The following SPTA1 variants were observed in gnomAD, a reference collection of about 807,000 sequenced individuals.
SPTA1 encodes spectrin alpha, erythrocytic 1.
A neutral mutation model predicts 324.7 loss-of-function variants in SPTA1; 177 were observed. The ratio of observed to expected loss-of-function variants is 0.55; its 90% CI spans 0.48 to 0.62. The LOEUF (loss-of-function observed/expected upper bound fraction) is 0.62, where lower values mean the gene tolerates loss of function less well. Among genes scored for constraint, SPTA1 ranks in the 20% least tolerant of loss-of-function variants. The pLI, the probability that SPTA1 is intolerant of heterozygous loss-of-function variation, is 0.00. For synonymous variants in SPTA1, 1,195 were observed against 1,041.3 expected (o/e 1.15, Z -2.84); for missense variants, 3,162 against 2,883.6 (o/e 1.10, Z -2.21).
rs962724509 is a variant in SPTA1, at chr1:158,666,190, T to A, written c.2220+126A>T. The A allele has an allele frequency of 4.6e-4, 391 of 845,300 alleles. 4 individuals carry two copies. Among genetic ancestry groups the A allele is most frequent in the Non-Finnish European group, 8.0e-5 (42 of 524,210 alleles). The allele number at this position is 845,300 out of a possible 1,614,324, so 52.4% of individuals were successfully genotyped here. On this transcript the variant is annotated intron_variant, in intron 16 of 51. Coordinates refer to ENST00000643759, the MANE Select transcript of SPTA1 (RefSeq NM_003126.4). The stretch of plus-strand genomic sequence containing the variant: ...TAATAATCAGTGTGCTCAGAGCATA[T>A]ACACCCATTGCTTATTATTACTTAT...
chr1:158,671,092 C>CT (rs1187724339), intron 12 of SPTA1, among the ~76,000 whole-genome samples: 2 of 151,800 alleles, frequency 1.3e-5, no homozygotes, highest in Non-Finnish European at 2.9e-5. Flanking sequence ...GCTATTTTCA[C>CT]TTTTTTTCTA....
intron 23 of SPTA1, among the ~76,000 whole-genome samples, chr1:158,651,909 C>CTCTCTGTG (rs972758420): frequency 4.8e-5 from 7 of 145,020 alleles, no homozygotes; most frequent in African/African-American, 1.8e-4. Flanking sequence ...CTCTCTCTCT[C>CTCTCTGTG]TGTGTGTGTG....
intron 10 of SPTA1, 114 bp from the exon 11 acceptor site, chr1:158,672,310 T>TG: frequency 8.4e-7 from 1 of 1,188,038 alleles, no homozygotes; most frequent in Non-Finnish European, 1.2e-6. Flanking sequence ...AAACAGCAAA[T>TG]GGGCTTTTAA....
At chr1:158,671,312 G>T (rs75565504) in intron 12 of SPTA1, 31 bp downstream of exon 12, 1 of 1,529,592 alleles carries the variant, frequency 6.5e-7, no homozygotes, top group Non-Finnish European at 9.1e-7. Context: ...CAGAGAGGGA[G>T]CCAATGCCCA....
chr1:158,629,160 A>T (rs969726132), intron 39 of SPTA1, among the ~76,000 whole-genome samples: 1 of 147,028 alleles, frequency 6.8e-6, no homozygotes, highest in Non-Finnish European at 1.5e-5. Context: ...ATAGATAGAT[A>T]TGTCTATCAA....
At chr1:158,652,717 G>C (rs1571457613) in intron 22 of SPTA1, 64 bp from the exon 23 acceptor site, 1 of 1,567,854 alleles carries the variant, frequency 6.4e-7, no homozygotes, top group East Asian at 2.2e-5. Context: ...TAGAGGCTGA[G>C]TGACAAACAT....
At position 158,636,633 on chromosome 1, in the gene SPTA1, A is replaced by G. The variant is rs187225341; in HGVS notation, c.5310+8T>C. 2 of 1,614,016 alleles carry G rather than the reference A, an allele frequency of 1.2e-6. No homozygotes were observed. Among genetic ancestry groups the G allele is most frequent in the Non-Finnish European group, 1.7e-6 (2 of 1,179,946 alleles). On this transcript the variant is annotated splice_region_variant and intron_variant, in intron 37 of 51. Coordinates refer to ENST00000643759, the MANE Select transcript of SPTA1 (RefSeq NM_003126.4). ...TCTATATTTTCAGATCTGGTATTCT[A>G]TTCCTACCTGGATGGCAGGCTCATG... is the stretch of plus-strand genomic sequence containing the variant.
chr1:158,669,943 A>G (rs1653892163), intron 12 of SPTA1, among the ~76,000 whole-genome samples, 157 bp from the exon 13 acceptor site: 1 of 152,336 alleles, frequency 6.6e-6, no homozygotes, highest in South Asian at 2.1e-4. Flanking sequence ...TCTGTTATAA[A>G]TTGTATTTCA....
At chr1:158,633,102 T>G (rs915577703) in intron 39 of SPTA1, among the ~76,000 whole-genome samples, 1 of 152,182 alleles carries the variant, frequency 6.6e-6, no homozygotes, top group African/African-American at 2.4e-5. Context: ...TTCATTTGTA[T>G]AGCAGCGTGG....
At chr1:158,657,730 T>C in intron 18 of SPTA1, 36 bp from the exon 19 acceptor site, 1 of 1,591,742 alleles carries the variant, frequency 6.3e-7, no homozygotes, top group Non-Finnish European at 8.6e-7. Flanking sequence ...AGTATGATCC[T>C]CATGAGTGTT....
intron 14 of SPTA1, among the ~76,000 whole-genome samples, chr1:158,669,190 G>A (rs1653820533): frequency 1.3e-5 from 2 of 152,120 alleles, no homozygotes; most frequent in South Asian, 4.1e-4. Context: ...GGAAAGAGGT[G>A]AAGAACATCA....
intron 35 of SPTA1, among the ~76,000 whole-genome samples, chr1:158,638,517 C>T (rs1490188139): frequency 6.6e-6 from 1 of 151,902 alleles, no homozygotes; most frequent in Non-Finnish European, 1.5e-5. Context: ...CCTTCTCTCC[C>T]CAACTAAAAA....
chr1:158,619,171 G>T, intron 45 of SPTA1, 51 bp downstream of exon 45: 1 of 1,535,142 alleles, frequency 6.5e-7, no homozygotes, highest in South Asian at 1.1e-5. Context: ...TCATCCCTAT[G>T]GCAAATGGTG....
intron 26 of SPTA1, among the ~76,000 whole-genome samples, 195 bp from the exon 27 acceptor site, chr1:158,647,915 T>C (rs756121365): frequency 1.3e-5 from 2 of 152,192 alleles, no homozygotes; most frequent in Non-Finnish European, 2.9e-5. Flanking sequence ...GGCATTACCA[T>C]ACTTCTTTTT....
intron 10 of SPTA1, among the ~76,000 whole-genome samples, chr1:158,672,795 C>T (rs1210032982): frequency 6.6e-6 from 1 of 151,980 alleles, no homozygotes; most frequent in Non-Finnish European, 1.5e-5. Flanking sequence ...TGTATTATCT[C>T]CGTCAAAAAA....
rs796761402 is a variant in SPTA1 at position 158,686,228 on chromosome 1, T to A, written c.24+266A>T. 1.1e-4 allele frequency among the ~76,000 whole-genome samples: 16 copies of A among 152,254 alleles called. No individual in the cohort carries two copies. The South Asian group carries it at 1.7e-3, about 16-fold the overall frequency. ...TAGAATTAGATCATTACATGGAGACTCACGTTGTTACTAGGTGTTATTTAG... is the reference window on the plus strand; with the variant it reads ...TAGAATTAGATCATTACATGGAGACACACGTTGTTACTAGGTGTTATTTAG... On this transcript the variant is annotated intron_variant, in intron 1 of 51. Coordinates refer to ENST00000643759, the MANE Select transcript of SPTA1 (RefSeq NM_003126.4).
intron 47 of SPTA1, among the ~76,000 whole-genome samples, chr1:158,615,873 A>T (rs779287490): frequency 1.3e-5 from 2 of 152,204 alleles, no homozygotes; most frequent in African/African-American, 4.8e-5. Context: ...TAAGCTCCAC[A>T]GTGTTCACTC....
chr1:158,636,508 A>T, intron 37 of SPTA1, 133 bp downstream of exon 37: 1 of 1,040,882 alleles, frequency 9.6e-7, no homozygotes, highest in Non-Finnish European at 1.4e-6. Flanking sequence ...GAATATTTGT[A>T]AACTCTTTGA....
chr1:158,611,571 T>C (rs1649263304), intron 51 of SPTA1, 182 bp from the exon 52 acceptor site: 6 of 588,228 alleles, frequency 1.0e-5, no homozygotes, highest in East Asian at 3.2e-5. Context: ...AACTTAACTT[T>C]TAATCTCAGC....
Sources: allele counts gnomAD v4.1 joint callset (sites outside exome capture counted in the v4.1 genomes callset), GRCh38; gene constraint gnomAD v4.1.1; transcripts MANE v1.5; gene names NCBI Gene and HGNC (gene_info 2026-07-23, HGNC 2026-07-21).